KIN: variants seen among roughly 807,000 people sequenced by gnomAD.
KIN encodes DNA/RNA-binding protein KIN17.
In KIN, 47 loss-of-function variants were observed where a neutral mutation model predicts 63.0. The observed-to-expected ratio is 0.75, with a 90% CI of 0.59 to 0.95. The LOEUF (loss-of-function observed/expected upper bound fraction) is 0.95, where lower values mean the gene tolerates loss of function less well. KIN is among the 40% of genes least tolerant of loss of function. KIN has a pLI of 0.00. For synonymous variants in KIN, 160 were observed against 157.7 expected (o/e 1.01, Z -0.11); for missense variants, 408 against 460.9 (o/e 0.89, Z 1.05).
chr10:7,764,483 T>C (rs887569046), intron 9 of KIN, among the ~76,000 whole-genome samples: 2 of 152,216 alleles, frequency 1.3e-5, no homozygotes, highest in Non-Finnish European at 2.9e-5. Flanking sequence ...CAATGCAATA[T>C]TACTGCAGTG....
intron 9 of KIN, among the ~76,000 whole-genome samples, chr10:7,764,922 G>A (rs1025237599): frequency 3.3e-5 from 5 of 152,172 alleles, no homozygotes; most frequent in Non-Finnish European, 1.5e-5. Context: ...CACTTTGGGA[G>A]GCTGAGGCAG....
intron 1 of KIN, among the ~76,000 whole-genome samples, chr10:7,786,876 A>T (rs1252767923): frequency 6.6e-6 from 1 of 152,258 alleles, no homozygotes; most frequent in African/African-American, 2.4e-5. Context: ...GAGTAACTGT[A>T]TCAATATTAG....
At chr10:7,777,895 TCC>T (rs59237901) in intron 5 of KIN, among the ~76,000 whole-genome samples, 2,042 of 90,240 alleles carry the variant, frequency 0.023, 48 homozygotes, top group African/African-American at 0.06. Context: ...TGAGACTCCG[TCC>T]CCCCCCCAAA....
chr10:7,769,619 C>G (rs1391369818), intron 7 of KIN, among the ~76,000 whole-genome samples: 1 of 152,096 alleles, frequency 6.6e-6, no homozygotes, highest in Non-Finnish European at 1.5e-5. Flanking sequence ...CTCACTCCTT[C>G]GGTCACTGCT....
At chr10:7,780,425 G>A (rs1203435406) in intron 2 of KIN, 118 bp from the exon 3 acceptor site, 18 of 776,758 alleles carry the variant, frequency 2.3e-5, no homozygotes, top group South Asian at 3.7e-5. Flanking sequence ...ACAGAGTCTC[G>A]TTCTCGTCAC....
intron 6 of KIN, 33 bp downstream of exon 6, chr10:7,775,718 T>C (rs1225702975): frequency 2.4e-6 from 3 of 1,256,098 alleles, no homozygotes; most frequent in Non-Finnish European, 3.3e-6. Flanking sequence ...AGCATCTATG[T>C]TTAAAAAAAG....
intron 8 of KIN, among the ~76,000 whole-genome samples, chr10:7,766,876 G>C (rs1835554657): frequency 1.3e-5 from 2 of 152,078 alleles, no homozygotes; most frequent in South Asian, 4.2e-4. Context: ...ACAAAAATTA[G>C]CCAGGCGTGG....
intron 1 of KIN, among the ~76,000 whole-genome samples, chr10:7,787,117 T>C (rs964723906): frequency 6.6e-6 from 1 of 152,192 alleles, no homozygotes; most frequent in Non-Finnish European, 1.5e-5. Context: ...CCAGACTCCT[T>C]GAGCCACTCT....
chr10:7,761,225 T>C (rs1835429762), intron 11 of KIN: 1 of 152,120 alleles, frequency 6.6e-6, no homozygotes, highest in Non-Finnish European at 1.5e-5. Context: ...TGTACATCAA[T>C]TTTACCACAA....
At chr10:7,770,210 C>G (rs937556847) in intron 7 of KIN, among the ~76,000 whole-genome samples, 1 of 152,200 alleles carries the variant, frequency 6.6e-6, no homozygotes, top group East Asian at 1.9e-4. Flanking sequence ...GGATTACAGG[C>G]GTAAGCCACC....
Position 7,763,769 on chromosome 10 carries a change from G to A in KIN, c.872C>T (p.Thr291Ile). 1.4e-6 allele frequency: 2 copies of A among 1,426,028 alleles called. No homozygotes were observed. The highest frequency in any genetic ancestry group is 9.7e-7 in the Non-Finnish European group (1 of 1,026,426). 88.3% of individuals were successfully genotyped at this position (1,426,028 alleles called of 1,614,324 possible). Residue 291 changes from threonine (T) to isoleucine (I), a missense_variant, in exon 10 of 13, where the codon ACC (threonine) becomes ATC (isoleucine). Thr to Ile is a moderately conservative substitution (Grantham distance 89). Around this residue, in one of 2 missense-constraint regions of KIN, gnomAD observed 298 missense variants for 296.0 expected, o/e 1.01. Coordinates refer to ENST00000379562, the MANE Select transcript of KIN (RefSeq NM_012311.4). The stretch of plus-strand genomic sequence containing the variant: ...ATGATATTTCTCTCCCAGTTTCTTG[G>A]TTATAATTTTCACAATAATTTCCTA... ...LQPEIIVKIITKKLGEKYHKK... is the reference protein window; with the variant it reads ...LQPEIIVKIIIKKLGEKYHKK...
intron 1 of KIN, 35 bp downstream of exon 1, chr10:7,787,785 T>C (rs771677941): frequency 6.6e-7 from 1 of 1,511,890 alleles, no homozygotes; most frequent in Admixed American, 1.7e-5. Context: ...CCAGGGGCCC[T>C]CCTGGGAAGA....
At chr10:7,756,283 T>C in intron 12 of KIN, 141 bp from the exon 13 acceptor site, 1 of 490,084 alleles carries the variant, frequency 2.0e-6, no homozygotes. Context: ...TGTATACATC[T>C]ATGAATTTTA....
intron 5 of KIN, among the ~76,000 whole-genome samples, chr10:7,777,053 C>CAA (rs60757813): frequency 0.029 from 2,332 of 80,598 alleles, 141 homozygotes; most frequent in Non-Finnish European, 0.043. Flanking sequence ...GACAGTCTCT[C>CAA]AAAAAAAAAA....
At chr10:7,762,345 C>T (rs1980856) in intron 11 of KIN, 112 bp downstream of exon 11, 530,111 of 538,028 alleles carry the variant, frequency 0.99, 261,398 homozygotes, top group East Asian at 1. Flanking sequence ...GCAGTTAATG[C>T]CGCCAAGACA....
chr10:7,775,722 A>G (rs1835756070), intron 6 of KIN, 29 bp downstream of exon 6: 2 of 1,320,424 alleles, frequency 1.5e-6, no homozygotes, highest in Non-Finnish European at 2.1e-6. Context: ...TCTATGTTTA[A>G]AAAAAGAAAA....
rs12781889 is a variant in KIN, at chr10:7,774,578, G to C, written c.668+253C>G. On this transcript the variant is annotated intron_variant, in intron 7 of 12. Transcript: ENST00000379562. ...GGGCGTGCCTGTAATCCCAGCTATTGATACCTGGGAGGCTGAGGCAGGAAG... is the reference window on the plus strand; with the variant it reads ...GGGCGTGCCTGTAATCCCAGCTATTCATACCTGGGAGGCTGAGGCAGGAAG... 0.018 allele frequency among the ~76,000 whole-genome samples: 2,666 copies of C among 151,804 alleles called. 37 individuals carry two copies. The highest frequency in any genetic ancestry group is 0.034 in the South Asian group (164 of 4,804).
rs764293669 is a variant in KIN, at chr10:7,787,837, T to C, written c.97A>G (p.Lys33Glu). 5 of 1,613,922 alleles carry C rather than the reference T, an allele frequency of 3.1e-6. No individual in the cohort carries two copies. Among genetic ancestry groups the C allele is most frequent in the Non-Finnish European group, 4.2e-6 (5 of 1,179,792 alleles). Reference protein sequence around the residue: ...KLRWYCQMCQKQCRDENGFKC... With the variant: ...KLRWYCQMCQEQCRDENGFKC... ...CCACTCACCTCGTCCCGGCACTGCT[T>C]CTGGCACATCTGGCAATACCAGCGT... Residue 33 changes from lysine (K) to glutamate (E), a missense_variant, in exon 1 of 13, where the codon AAG becomes GAG. Lys to Glu is a moderately conservative substitution (Grantham distance 56). This residue lies in a region of KIN where 110 missense variants were observed against 164.9 expected (regional missense o/e 0.67). Coordinates refer to ENST00000379562, the MANE Select transcript of KIN (RefSeq NM_012311.4).
chr10:7,780,997 A>G (rs1441136961), intron 2 of KIN, among the ~76,000 whole-genome samples: 2 of 152,226 alleles, frequency 1.3e-5, no homozygotes, highest in Non-Finnish European at 1.5e-5. Flanking sequence ...TTGGCACTTA[A>G]TATGTCCCTC....
Sources: gnomAD v4.1 joint callset for allele counts (sites outside exome capture counted in the v4.1 genomes callset) on GRCh38, gnomAD v4.1.1 for gene constraint, gnomAD v4.1.1 regional missense constraint, MANE v1.5 for transcripts, NCBI Gene and HGNC (gene_info 2026-07-23, HGNC 2026-07-21) for gene names.